Variants in ZNF518B observed in about 807,000 individuals in gnomAD.
ZNF518B encodes the protein zinc finger protein 518B.
Under a neutral mutation model 56.3 loss-of-function variants are expected in ZNF518B, and 23 were observed. The observed-to-expected ratio is 0.41, with a 90% confidence interval of 0.29 to 0.58. ZNF518B has a LOEUF of 0.58. Among genes scored for constraint, ZNF518B ranks in the 20% least tolerant of loss-of-function variants. The pLI, the probability that ZNF518B is intolerant of heterozygous loss-of-function variation, is 0.32. For synonymous variants in ZNF518B, 529 were observed against 465.9 expected (o/e 1.14, Z -1.74); for missense variants, 1,460 against 1,272.1 (o/e 1.15, Z -2.25).
rs1348029505 is a variant in ZNF518B at position 10,443,544 on chromosome 4, T to C, written c.2785A>G (p.Lys929Glu). 6.2e-7 allele frequency: 1 copy of C among 1,614,054 alleles called. No homozygotes were observed. The highest frequency in any genetic ancestry group is 8.5e-7 in the Non-Finnish European group (1 of 1,179,990). ...GGACACTTAATCAACTGATCTGGCT[T>C]AGCTGCTATCAGTCTTAGTTGCCTT... ...VARQLRLIAA[K>E]PDQLIKCPRR... The change falls in exon 3 of 3, where the codon AAG (lysine) becomes GAG (glutamate). Residue 929 changes from lysine (K) to glutamate (E), a missense_variant. Physicochemically the swap from Lys to Glu is moderately conservative, Grantham distance 56 (BLOSUM62 1). Transcript: ENST00000326756.
At position 10,443,015 on chromosome 4, in the gene ZNF518B, AGTCT is replaced by A; in HGVS notation, c.*85_*88del. ...GAATTAGCAGTCCTCTCATTTCTAC[AGTCT>A]GTATTTCTTCTACTGAATCTTGGTG... On this transcript the variant is annotated 3_prime_UTR_variant, in exon 3 of 3. Transcript: ENST00000326756. 8.6e-7 allele frequency: 1 copy of A among 1,159,512 alleles called. No individual in the cohort carries two copies. The highest frequency in any genetic ancestry group is 1.2e-6 in the Non-Finnish European group (1 of 826,046). The allele number at this position is 1,159,512 out of a possible 1,614,324, so 71.8% of individuals were successfully genotyped here. A position where few individuals can be genotyped will look rare whatever the true frequency, so the allele number is the denominator to read the frequency against.
In ZNF518B at chr4:10,442,996, G is replaced by T; in HGVS notation, c.*108C>A. 1 of 961,052 alleles carries T rather than the reference G, an allele frequency of 1.0e-6. No homozygotes were observed. The highest frequency in any genetic ancestry group is 1.5e-6 in the Non-Finnish European group (1 of 658,408). The allele number at this position is 961,052 out of a possible 1,614,324, so 59.5% of individuals were successfully genotyped here. On this transcript the variant is annotated 3_prime_UTR_variant, in exon 3 of 3. Transcript: ENST00000326756. ...ATATTCCTACAGTTCTGAAGAATTA[G>T]CAGTCCTCTCATTTCTACAGTCTGT...
chr4:10,448,277 C>T (rs1715155422), intron 2 of ZNF518B, among the ~76,000 whole-genome samples: 1 of 152,134 alleles, frequency 6.6e-6, no homozygotes, highest in Non-Finnish European at 1.5e-5. Context: ...TGTTCAATGA[C>T]AATGATGGGT....
chr4:10,440,097 TCTTCAA>T lies in ZNF518B; in HGVS notation c.*3001_*3006del, dbSNP rs2108978378. On this transcript the variant is annotated 3_prime_UTR_variant, in exon 3 of 3. Transcript: ENST00000326756. ...ATTCCAAAGGCCGAGCAACATCACATCTTCAACTTCTGAGATGGATTATATATAACA... is the reference window on the plus strand; with the variant it reads ...ATTCCAAAGGCCGAGCAACATCACATCTTCTGAGATGGATTATATATAACA... The T allele has an allele frequency of 6.6e-6, 1 of 152,666 alleles. No individual in the cohort carries two copies. Among genetic ancestry groups the T allele is most frequent in the African/African-American group, 2.4e-5 (1 of 41,570 alleles). The allele number at this position is 152,666 out of a possible 1,614,324, so 9.5% of individuals were successfully genotyped here.
Position 10,443,930 on chromosome 4 carries a change from A to G in ZNF518B, c.2399T>C (p.Ile800Thr), listed in dbSNP as rs141937894. 1 of 1,614,096 alleles carries G rather than the reference A, an allele frequency of 6.2e-7. No homozygotes were observed. The highest frequency in any genetic ancestry group is 1.3e-5 in the African/African-American group (1 of 74,940). ...IEATCEAPVSIPCSERQLIKP... is the reference protein window; with the variant it reads ...IEATCEAPVSTPCSERQLIKP... The stretch of plus-strand genomic sequence containing the variant: ...TATTAACTGTCTTTCACTGCAAGGT[A>G]TGCTGACAGGTGCTTCACATGTAGC... Residue 800 changes from isoleucine (I) to threonine (T), a missense_variant, in exon 3 of 3, where the codon ATA (isoleucine) becomes ACA (threonine). By Grantham distance (89) the Ile-to-Thr change is moderately conservative. Transcript: ENST00000326756.
upstream of ZNF518B, among the ~76,000 whole-genome samples, chr4:10,457,703 C>T (rs964475378): frequency 6.6e-6 from 1 of 152,236 alleles, no homozygotes; most frequent in Non-Finnish European, 1.5e-5. Context: ...TGCCTTGTAC[C>T]GGGTCCCGCG....
rs891320309 is a variant in ZNF518B at position 10,441,312 on chromosome 4, TA to T, written c.*1791del. 1 of 148,878 alleles carries T rather than the reference TA, an allele frequency of 6.7e-6. No individual in the cohort carries two copies. Among genetic ancestry groups the T allele is most frequent in the Admixed American group, 6.8e-5 (1 of 14,814 alleles). The allele number at this position is 148,878 out of a possible 1,614,324, so 9.2% of individuals were successfully genotyped here. On this transcript the variant is annotated 3_prime_UTR_variant, in exon 3 of 3. Transcript: ENST00000326756. The stretch of plus-strand genomic sequence containing the variant: ...TAAAAATGCAAGTTTTAAATTTCAA[TA>T]AAAATTTACCAATTAACTTGATGAT...
At position 10,443,047 on chromosome 4, in the gene ZNF518B, G is replaced by T; in HGVS notation, c.*57C>A. On this transcript the variant is annotated 3_prime_UTR_variant, in exon 3 of 3. Coordinates refer to ENST00000326756, the MANE Select transcript of ZNF518B (RefSeq NM_053042.3). ...ATTTCTTCTACTGAATCTTGGTGGA[G>T]GGACTCCAAACCAGAATAAACTAAA... The T allele has an allele frequency of 6.9e-7, 1 of 1,449,180 alleles. No individual in the cohort carries two copies. The highest frequency in any genetic ancestry group is 1.3e-5 in the South Asian group (1 of 75,888). The allele number at this position is 1,449,180 out of a possible 1,614,324, so 89.8% of individuals were successfully genotyped here. A position where few individuals can be genotyped will look rare whatever the true frequency, so the allele number is the denominator to read the frequency against.
At position 10,443,951 on chromosome 4, in the gene ZNF518B, G is replaced by A; in HGVS notation, c.2378C>T (p.Thr793Ile). 6.2e-7 allele frequency: 1 copy of A among 1,614,206 alleles called. No homozygotes were observed. The highest frequency in any genetic ancestry group is 1.1e-5 in the South Asian group (1 of 91,086). The change falls in exon 3 of 3, where the codon ACA (threonine) becomes ATA (isoleucine). Residue 793 changes from threonine (T) to isoleucine (I), a missense_variant. By Grantham distance (89) the Thr-to-Ile change is moderately conservative. Transcript: ENST00000326756. ...SSENAHIIEA[T>I]CEAPVSIPCS... ...AGGTATGCTGACAGGTGCTTCACAT[G>A]TAGCCTCTATGATGTGGGCATTCTC... is the stretch of plus-strand genomic sequence containing the variant.
In ZNF518B at chr4:10,445,981, G is replaced by C; in HGVS notation, c.348C>G (p.Asn116Lys). Residue 116 changes from asparagine to lysine, a missense_variant, in exon 3 of 3, where the codon AAC becomes AAG. Asn to Lys is a moderately conservative substitution (Grantham distance 94, BLOSUM62 0). Transcript: ENST00000326756. ...ATTTGCTATTGACAGAACTTGAGAA[G>C]TTTTCAGTTTTATTTCCAACATGAG... is the stretch of plus-strand genomic sequence containing the variant. ...SATHVGNKTENFSSSVNSKFK... is the reference protein window; with the variant it reads ...SATHVGNKTEKFSSSVNSKFK... The C allele has an allele frequency of 6.2e-7, 1 of 1,614,158 alleles. No individual in the cohort carries two copies. Among genetic ancestry groups the C allele is most frequent in the Non-Finnish European group, 8.5e-7 (1 of 1,180,036 alleles).
In ZNF518B at chr4:10,445,083, C is replaced by T. The variant is rs140550247; in HGVS notation, c.1246G>A (p.Val416Ile). 8.2e-4 allele frequency: 1,318 copies of T among 1,614,188 alleles called. 3 individuals carry two copies. Among genetic ancestry groups the T allele is most frequent in the Non-Finnish European group, 1.0e-3 (1,214 of 1,180,024 alleles). The change falls in exon 3 of 3, where the codon GTA (valine) becomes ATA (isoleucine). Residue 416 changes from valine to isoleucine, a missense_variant. Physicochemically the swap from Val to Ile is conservative, Grantham distance 29. Transcript: ENST00000326756. ...LTVDGNVGKLVGIDSFQPSVQ... is the reference protein window; with the variant it reads ...LTVDGNVGKLIGIDSFQPSVQ... ...GAAGGTTGAAAACTATCAATGCCTA[C>T]GAGTTTTCCAACATTCCCGTCAACT...
Position 10,445,722 on chromosome 4 carries a change from C to A in ZNF518B, c.607G>T (p.Asp203Tyr). ...CTCTTCGTGTGTTTGACAATATAAT[C>A]ATTTCTAATAGCACCATAGTCACAA... is the stretch of plus-strand genomic sequence containing the variant. ...EYCDYGAIRN[D>Y]YIVKHTKRVH... is the part of the protein sequence containing the mutation. The change falls in exon 3 of 3, where the codon GAT (aspartate) becomes TAT (tyrosine). Residue 203 changes from aspartate (D) to tyrosine (Y), a missense_variant. By Grantham distance (160) the Asp-to-Tyr change is radical. Coordinates refer to ENST00000326756, the MANE Select transcript of ZNF518B (RefSeq NM_053042.3). 2 of 1,614,166 alleles carry A rather than the reference C, an allele frequency of 1.2e-6. No homozygotes were observed. The highest frequency in any genetic ancestry group is 1.7e-6 in the Non-Finnish European group (2 of 1,180,034).
chr4:10,443,619 G>C lies in ZNF518B; in HGVS notation c.2710C>G (p.Gln904Glu). The change falls in exon 3 of 3, where the codon CAA (glutamine) becomes GAA (glutamate). Residue 904 changes from glutamine (Q) to glutamate (E), a missense_variant. Gln to Glu is a conservative substitution (Grantham distance 29). Transcript: ENST00000326756. ...VHLSRKKNKI[Q>E]AEPSRCLKDP... ...TTGAGACAGCGGCTAGGTTCAGCTT[G>C]AATTTTGTTTTTCTTCCTGGATAAG... 6.2e-7 allele frequency: 1 copy of C among 1,614,126 alleles called. No individual in the cohort carries two copies. The highest frequency in any genetic ancestry group is 1.1e-5 in the South Asian group (1 of 91,078).
Position 10,444,159 on chromosome 4 carries a change from G to C in ZNF518B, c.2170C>G (p.Leu724Val). Residue 724 changes from leucine (L) to valine (V), a missense_variant, in exon 3 of 3, where the codon CTT becomes GTT. Physicochemically the swap from Leu to Val is conservative, Grantham distance 32 (BLOSUM62 1). Transcript: ENST00000326756. ...LTGLGHSTGTLQKPPNDGGIT... is the reference protein window; with the variant it reads ...LTGLGHSTGTVQKPPNDGGIT... The stretch of plus-strand genomic sequence containing the variant: ...CCACCATCATTCGGAGGTTTCTGAA[G>C]AGTACCTGTGGAATGGCCAAGACCA... 6.2e-7 allele frequency: 1 copy of C among 1,614,228 alleles called. No individual in the cohort carries two copies. Among genetic ancestry groups the C allele is most frequent in the Non-Finnish European group, 8.5e-7 (1 of 1,180,034 alleles).
chr4:10,447,445 G>T (rs1012883935), intron 2 of ZNF518B, among the ~76,000 whole-genome samples: 21 of 152,052 alleles, frequency 1.4e-4, no homozygotes, highest in African/African-American at 4.6e-4. Flanking sequence ...TGATCTGTGG[G>T]AAGTGGGCCT....
At chr4:10,456,406 C>A (rs1327230163) in intron 1 of ZNF518B, among the ~76,000 whole-genome samples, 2 of 152,086 alleles carry the variant, frequency 1.3e-5, no homozygotes, top group Admixed American at 6.5e-5. Context: ...CCAAAGACAC[C>A]AAGATAAGAC....
At position 10,444,006 on chromosome 4, in the gene ZNF518B, C is replaced by T; in HGVS notation, c.2323G>A (p.Gly775Arg). ...GAATTAAGAACCCTCAACACAGCCCCTTTGGGGATTAACACTGGCGTGGCA... is the reference window on the plus strand; with the variant it reads ...GAATTAAGAACCCTCAACACAGCCCTTTTGGGGATTAACACTGGCGTGGCA... The part of the protein sequence containing the change: ...HVATPVLIPK[G>R]AVLRVLNSSE... The change falls in exon 3 of 3, where the codon GGG becomes AGG. Residue 775 changes from glycine to arginine, a missense_variant. Gly to Arg is a moderately radical substitution (Grantham distance 125). Transcript: ENST00000326756. 1.2e-6 allele frequency: 2 copies of T among 1,614,224 alleles called. No homozygotes were observed. The highest frequency in any genetic ancestry group is 1.7e-6 in the Non-Finnish European group (2 of 1,180,048).
intron 2 of ZNF518B, among the ~76,000 whole-genome samples, chr4:10,447,605 G>A (rs186366800): frequency 6.7e-6 from 1 of 149,388 alleles, no homozygotes; most frequent in African/African-American, 2.5e-5. Flanking sequence ...GGTGACGAAG[G>A]TTTTCTAGAG....
upstream of ZNF518B, among the ~76,000 whole-genome samples, chr4:10,458,068 A>G (rs1246375160): frequency 6.6e-6 from 1 of 152,092 alleles, no homozygotes; most frequent in Non-Finnish European, 1.5e-5. Context: ...TTAATGCCAG[A>G]GTTTCTTTCC....
Sources: allele counts gnomAD v4.1 joint callset (sites outside exome capture counted in the v4.1 genomes callset), GRCh38; gene constraint gnomAD v4.1.1; transcripts MANE v1.5; gene names NCBI Gene and HGNC (gene_info 2026-07-23, HGNC 2026-07-21).